The following MIPOL1 variants were observed in gnomAD, a reference collection of about 807,000 sequenced individuals.
MIPOL1 encodes the protein mirror-image polydactyly 1.
MIPOL1 carries 57 observed loss-of-function variants against 60.9 expected under a neutral mutation model. The ratio of observed to expected loss-of-function variants is 0.94; its 90% confidence interval spans 0.76 to 1.17. The LOEUF is 1.17. Among genes scored for constraint, MIPOL1 ranks in the 50% most tolerant of loss-of-function variants. MIPOL1 has a pLI of 0.00. For synonymous variants in MIPOL1, 179 were observed against 168.8 expected (o/e 1.06, Z -0.47); for missense variants, 551 against 511.6 (o/e 1.08, Z -0.74).
chr14:37,259,441 C>G (rs1252343013), intron 3 of MIPOL1, among the ~76,000 whole-genome samples: 1 of 151,758 alleles, frequency 6.6e-6, no homozygotes, highest in Non-Finnish European at 1.5e-5. Context: ...GTGGTACATG[C>G]CTGTGGTGTT....
At chr14:37,423,093 C>T (rs2093904148) in intron 11 of MIPOL1, 144 bp downstream of exon 11, 1 of 572,584 alleles carries the variant, frequency 1.7e-6, no homozygotes, top group African/African-American at 1.9e-5. Flanking sequence ...AAAAAAGATT[C>T]AGGCTTATAG....
chr14:37,527,081 C>T (rs2095452629), intron 12 of MIPOL1, among the ~76,000 whole-genome samples: 1 of 151,910 alleles, frequency 6.6e-6, no homozygotes, highest in Non-Finnish European at 1.5e-5. Context: ...CTATTCCTGA[C>T]CGGTTCCCAT....
Position 37,500,061 on chromosome 14 carries a change from G to A in MIPOL1, c.1185G>A (p.Leu395=). Residue 395 remains leucine, a synonymous_variant, in exon 12 of 13, where the codon CTG becomes CTA. Coordinates refer to ENST00000684589, the MANE Select transcript of MIPOL1 (RefSeq NM_001388067.1). The part of the protein sequence containing the change: ...EELATQLQQA[L]TERANMELQL... ...TGGCTACTCAACTGCAACAAGCTCT[G>A]ACAGAGCGAGCAAATATGGAATTAC... 6.2e-7 allele frequency: 1 copy of A among 1,613,918 alleles called. No individual in the cohort carries two copies. Among genetic ancestry groups the A allele is most frequent in the Non-Finnish European group, 8.5e-7 (1 of 1,179,866 alleles).
chr14:37,534,054 C>G (rs763696446), intron 12 of MIPOL1, among the ~76,000 whole-genome samples: 16 of 146,008 alleles, frequency 1.1e-4, no homozygotes, highest in Non-Finnish European at 2.2e-4. Context: ...TGCCACTGCA[C>G]TCCATCCTGG....
chr14:37,486,057 C>T (rs1434742439), intron 11 of MIPOL1, among the ~76,000 whole-genome samples: 1 of 152,154 alleles, frequency 6.6e-6, no homozygotes, highest in Admixed American at 6.5e-5. Context: ...TATGGCTAGC[C>T]AGTTTTCTTA....
intron 9 of MIPOL1, among the ~76,000 whole-genome samples, chr14:37,346,745 C>T (rs1284107680): frequency 6.6e-6 from 1 of 152,042 alleles, no homozygotes; most frequent in Admixed American, 6.6e-5. Context: ...ATGATATGGC[C>T]ATGCGAGGTG....
At chr14:37,297,433 T>C (rs2085849316) in intron 7 of MIPOL1, among the ~76,000 whole-genome samples, 3 of 152,052 alleles carry the variant, frequency 2.0e-5, no homozygotes, top group Admixed American at 6.6e-5. Flanking sequence ...CTATTCAACA[T>C]AGTGTTGGAA....
intron 6 of MIPOL1, among the ~76,000 whole-genome samples, chr14:37,274,272 G>T (rs2083488281): frequency 1.3e-5 from 2 of 151,272 alleles, no homozygotes; most frequent in African/African-American, 4.8e-5. Context: ...TTCCCCACTG[G>T]TTTTTTCATA....
At chr14:37,241,089 T>A (rs932397306) in intron 1 of MIPOL1, among the ~76,000 whole-genome samples, 3 of 152,132 alleles carry the variant, frequency 2.0e-5, no homozygotes, top group African/African-American at 7.2e-5. Flanking sequence ...TTCGAAGGCC[T>A]GAGATCTAGG....
At chr14:37,387,066 A>C (rs1389260534) in intron 10 of MIPOL1, among the ~76,000 whole-genome samples, 2 of 151,898 alleles carry the variant, frequency 1.3e-5, no homozygotes, top group African/African-American at 4.8e-5. Context: ...TCCATTCAAA[A>C]ACCGTAAGTT....
intron 11 of MIPOL1, among the ~76,000 whole-genome samples, chr14:37,493,197 G>A (rs928161754): frequency 6.6e-6 from 1 of 152,070 alleles, no homozygotes; most frequent in African/African-American, 2.4e-5. Flanking sequence ...TCAAAACTTG[G>A]TATAAATGGA....
At chr14:37,544,762 C>T (rs1429457029) in intron 12 of MIPOL1, among the ~76,000 whole-genome samples, 2 of 152,172 alleles carry the variant, frequency 1.3e-5, no homozygotes, top group Non-Finnish European at 2.9e-5. Context: ...AATCATTCGA[C>T]CTGGATAAAT....
intron 9 of MIPOL1, among the ~76,000 whole-genome samples, chr14:37,351,077 G>T (rs1385164410): frequency 8.9e-6 from 1 of 112,088 alleles, no homozygotes; most frequent in African/African-American, 3.6e-5. Context: ...CCCCACAACG[G>T]TCCCCAGAGT....
chr14:37,260,591 A>C (rs2082455373), intron 3 of MIPOL1, among the ~76,000 whole-genome samples: 1 of 152,202 alleles, frequency 6.6e-6, no homozygotes, highest in Non-Finnish European at 1.5e-5. Flanking sequence ...ATTATCTTAT[A>C]ATTTCATTTA....
At chr14:37,446,243 C>A (rs2094332842) in intron 11 of MIPOL1, among the ~76,000 whole-genome samples, 1 of 152,096 alleles carries the variant, frequency 6.6e-6, no homozygotes, top group Non-Finnish European at 1.5e-5. Flanking sequence ...AGCAAACTAC[C>A]CCATCAACAA....
chr14:37,460,613 A>G (rs796075512), intron 11 of MIPOL1, among the ~76,000 whole-genome samples: 1 of 152,322 alleles, frequency 6.6e-6, no homozygotes, highest in African/African-American at 2.4e-5. Flanking sequence ...GAAAACCCTG[A>G]TGGCACCTCC....
intron 1 of MIPOL1, among the ~76,000 whole-genome samples, chr14:37,204,941 T>TA (rs1330432455): frequency 6.6e-6 from 1 of 152,112 alleles, no homozygotes; most frequent in Non-Finnish European, 1.5e-5. Context: ...CTGATAGTGA[T>TA]ATGGACAATA....
At chr14:37,543,530 G>A (rs1040686342) in intron 12 of MIPOL1, among the ~76,000 whole-genome samples, 2 of 152,130 alleles carry the variant, frequency 1.3e-5, no homozygotes, top group Admixed American at 6.5e-5. Flanking sequence ...GCCCGTCTCG[G>A]CCTCCCAAAG....
intron 6 of MIPOL1, among the ~76,000 whole-genome samples, chr14:37,275,349 A>G (rs2083574418): frequency 1.3e-5 from 2 of 151,206 alleles, no homozygotes; most frequent in Non-Finnish European, 3.0e-5. Flanking sequence ...CAGAGGAGAA[A>G]CATTGCATTT....
Sources: allele counts gnomAD v4.1 joint callset (sites outside exome capture counted in the v4.1 genomes callset), GRCh38; gene constraint gnomAD v4.1.1; transcripts MANE v1.5; gene names NCBI Gene and HGNC (gene_info 2026-07-23, HGNC 2026-07-21).